Variants in PRKG1 observed in about 807,000 individuals in gnomAD.
PRKG1 encodes the protein protein kinase cGMP-dependent 1, also known as cGMP-dependent protein kinase 1.
A neutral mutation model predicts 88.1 loss-of-function variants in PRKG1; 35 were observed. The observed-to-expected ratio is 0.40, with a 90% CI of 0.30 to 0.53. PRKG1 has a LOEUF of 0.53. Among genes scored for constraint, PRKG1 ranks in the 20% least tolerant of loss-of-function variants. The pLI, the probability that PRKG1 is intolerant of heterozygous loss-of-function variation, is 0.59. For synonymous variants in PRKG1, 303 were observed against 292.5 expected (o/e 1.04, Z -0.37); for missense variants, 540 against 839.8 (o/e 0.64, Z 4.41).
chr10:51,655,804 G>A (rs1840146989), intron 3 of PRKG1, among the ~76,000 whole-genome samples: 1 of 152,064 alleles, frequency 6.6e-6, no homozygotes, highest in South Asian at 2.1e-4. Flanking sequence ...CTAACTACTT[G>A]AGAATTAGCA....
At chr10:51,433,967 A>G (rs1347201662) in intron 2 of PRKG1, among the ~76,000 whole-genome samples, 1 of 152,048 alleles carries the variant, frequency 6.6e-6, no homozygotes, top group Non-Finnish European at 1.5e-5. Context: ...TAGGTAAGAA[A>G]ACTGAGTTCA....
At chr10:51,027,649 G>A (rs1353205462) in intron 1 of PRKG1, among the ~76,000 whole-genome samples, 3 of 152,072 alleles carry the variant, frequency 2.0e-5, no homozygotes, top group Admixed American at 2.0e-4. Flanking sequence ...GGTAAATAGA[G>A]CTTTAAAAAC....
At chr10:52,205,721 A>G (rs1369529800) in intron 9 of PRKG1, among the ~76,000 whole-genome samples, 1 of 152,190 alleles carries the variant, frequency 6.6e-6, no homozygotes, top group Non-Finnish European at 1.5e-5. Context: ...CTTTTCTTTA[A>G]GAATGTTTAC....
intron 1 of PRKG1, among the ~76,000 whole-genome samples, chr10:51,089,052 C>T (rs946731901): frequency 2.0e-5 from 3 of 152,226 alleles, no homozygotes; most frequent in African/African-American, 7.2e-5. Flanking sequence ...CTAGCCCATA[C>T]CCCTTGTTTA....
intron 9 of PRKG1, among the ~76,000 whole-genome samples, chr10:52,229,575 G>T (rs10824270): frequency 0.045 from 6,803 of 152,238 alleles, 226 homozygotes; most frequent in South Asian, 0.17. Flanking sequence ...CCTCAGAGAG[G>T]ACATCTCAGA....
intron 2 of PRKG1, among the ~76,000 whole-genome samples, chr10:51,317,744 G>T (rs938232773): frequency 6.6e-6 from 1 of 152,144 alleles, no homozygotes; most frequent in Non-Finnish European, 1.5e-5. Flanking sequence ...GCTCTCAACA[G>T]CAGTTCCCTG....
intron 7 of PRKG1, among the ~76,000 whole-genome samples, chr10:52,071,528 A>G (rs978361188): frequency 6.6e-6 from 1 of 152,056 alleles, no homozygotes; most frequent in African/African-American, 2.4e-5. Flanking sequence ...ATGTCTTCAG[A>G]AATTATTTTT....
intron 2 of PRKG1, among the ~76,000 whole-genome samples, chr10:51,204,164 C>A (rs1388983328): frequency 6.6e-6 from 1 of 152,034 alleles, no homozygotes; most frequent in East Asian, 1.9e-4. Context: ...TCTGATGGGC[C>A]TCTGGATTCT....
At chr10:51,606,257 A>G (rs1355747040) in intron 3 of PRKG1, among the ~76,000 whole-genome samples, 1 of 152,066 alleles carries the variant, frequency 6.6e-6, no homozygotes, top group Non-Finnish European at 1.5e-5. Flanking sequence ...CTAATTGGGT[A>G]ACTAGCAACT....
chr10:51,885,721 G>A (rs1841550757), intron 4 of PRKG1, among the ~76,000 whole-genome samples: 11 of 152,042 alleles, frequency 7.2e-5, no homozygotes, highest in Admixed American at 7.2e-4. Flanking sequence ...ATTACTTTAT[G>A]CCCCAGCTAT....
chr10:51,583,532 A>G (rs1307521793), intron 3 of PRKG1, among the ~76,000 whole-genome samples: 1 of 152,060 alleles, frequency 6.6e-6, no homozygotes, highest in Non-Finnish European at 1.5e-5. Context: ...CTGCTTTTCT[A>G]CCAAAACATC....
intron 4 of PRKG1, among the ~76,000 whole-genome samples, chr10:51,840,276 T>C (rs935378001): frequency 5.9e-5 from 9 of 152,164 alleles, no homozygotes; most frequent in African/African-American, 1.9e-4. Flanking sequence ...ATTTGATTTT[T>C]TTTTTCTCTT....
intron 3 of PRKG1, among the ~76,000 whole-genome samples, chr10:51,643,095 A>G (rs1443645445): frequency 6.6e-6 from 1 of 151,382 alleles, no homozygotes; most frequent in African/African-American, 2.4e-5. Context: ...TTTAAAAAAT[A>G]TGTTACTATT....
At chr10:51,702,408 A>G (rs1841491792) in intron 3 of PRKG1, among the ~76,000 whole-genome samples, 1 of 152,218 alleles carries the variant, frequency 6.6e-6, no homozygotes, top group South Asian at 2.1e-4. Context: ...AAACCTATGT[A>G]TATTTCCTGG....
chr10:51,340,593 G>A (rs1294662487), intron 2 of PRKG1, among the ~76,000 whole-genome samples: 2 of 152,140 alleles, frequency 1.3e-5, no homozygotes, highest in African/African-American at 4.8e-5. Flanking sequence ...TCATGAGCCA[G>A]GCATAATGCC....
intron 2 of PRKG1, among the ~76,000 whole-genome samples, chr10:51,366,762 A>C (rs1190453821): frequency 6.6e-6 from 1 of 152,006 alleles, no homozygotes; most frequent in African/African-American, 2.4e-5. Flanking sequence ...TGTACATGAA[A>C]GCTTTCTTCA....
intron 2 of PRKG1, among the ~76,000 whole-genome samples, chr10:51,459,505 T>C (rs1839683940): frequency 6.6e-6 from 1 of 152,174 alleles, no homozygotes; most frequent in Non-Finnish European, 1.5e-5. Context: ...ATGTATTTTA[T>C]TTTTTATAAG....
rs912503695 is a variant in PRKG1, at chr10:51,213,697, A to T, written c.478+60367A>T. ...ATATTATTTTCCTAAAGATAATATA[A>T]CTTATTTTAAAAAAGACTTAAACTG... On this transcript the variant is annotated intron_variant, in intron 2 of 17. Coordinates refer to ENST00000373980, the MANE Select transcript of PRKG1 (RefSeq NM_006258.4). Among the ~76,000 whole-genome samples the T allele has an allele frequency of 2.0e-5, 3 of 152,196 alleles. No homozygotes were observed. The East Asian group carries it at 5.8e-4, about 29-fold the overall frequency.
intron 2 of PRKG1, among the ~76,000 whole-genome samples, chr10:51,353,611 A>G (rs1842300646): frequency 6.6e-6 from 1 of 152,184 alleles, no homozygotes; most frequent in African/African-American, 2.4e-5. Flanking sequence ...ATCTCACCTC[A>G]GTTAAAATGG....
Sources: allele counts gnomAD v4.1 joint callset (sites outside exome capture counted in the v4.1 genomes callset), GRCh38; gene constraint gnomAD v4.1.1; transcripts MANE v1.5; gene names NCBI Gene and HGNC (gene_info 2026-07-23, HGNC 2026-07-21).